Variants in P2RY6 observed in about 807,000 individuals in gnomAD.
The protein encoded by P2RY6 is P2Y purinoceptor 6.
Under a neutral mutation model 16.3 loss-of-function variants are expected in P2RY6, and 19 were observed. The observed-to-expected ratio is 1.16, with a 90% CI of 0.81 to 1.71. The LOEUF is 1.71. Ranked by LOEUF, P2RY6 falls within the 40% of genes most tolerant of loss-of-function variation. The probability of loss-of-function intolerance (pLI) is 0.00; values close to 1 mark genes in which losing one functional copy is unlikely to be tolerated. For missense variants in P2RY6, 389 were observed against 455.5 expected (o/e 0.85, Z 1.33); for synonymous variants, 184 against 201.5 (o/e 0.91, Z 0.74).
intron 1 of P2RY6, among the ~76,000 whole-genome samples, chr11:73,290,343 G>GAAAGAAAGAAAGAAAGAAAGAAAGAA (rs1565170694): frequency 6.7e-6 from 1 of 148,434 alleles, no homozygotes; most frequent in African/African-American, 2.5e-5. Flanking sequence ...AAGAAAGAAA[G>GAAAGAAAGAAAGAAAGAAAGAAAGAA]AAAGAAAGAA....
At chr11:73,272,742 G>A (rs999525096) in intron 1 of P2RY6, among the ~76,000 whole-genome samples, 1 of 152,242 alleles carries the variant, frequency 6.6e-6, no homozygotes, top group Admixed American at 6.5e-5. Context: ...TGGAGAAGTG[G>A]AATAGCTCAG....
chr11:73,295,708 A>C, intron 1 of P2RY6, 22 bp from the exon 2 acceptor site: 16 of 940,044 alleles, frequency 1.7e-5, no homozygotes, highest in South Asian at 4.9e-5. Context: ...ACTGGGTATC[A>C]CCTCCTTCCC....
intron 1 of P2RY6, among the ~76,000 whole-genome samples, chr11:73,267,327 G>A (rs528622785): frequency 6.6e-6 from 1 of 152,244 alleles, no homozygotes; most frequent in Non-Finnish European, 1.5e-5. Flanking sequence ...ATGCTCTCTG[G>A]GGTGGATGAC....
intron 1 of P2RY6, among the ~76,000 whole-genome samples, chr11:73,274,540 CAA>C (rs59442426): frequency 2.3e-3 from 159 of 68,422 alleles, no homozygotes; most frequent in African/African-American, 5.3e-3. Flanking sequence ...GAGACTGTCT[CAA>C]AAAAAAAAAA....
Position 73,297,542 on chromosome 11 carries a change from T to C in P2RY6, c.*37T>C. ...CCTGGGCAGCCTTCATATTTGCCAT[T>C]GTGTCCGGGGCACCAGGAGCCCCAC... On this transcript the variant is annotated 3_prime_UTR_variant, in exon 3 of 3. Transcript: ENST00000540124. 3 of 1,543,514 alleles carry C rather than the reference T, an allele frequency of 1.9e-6. No homozygotes were observed. The highest frequency in any genetic ancestry group is 2.3e-5 in the South Asian group (2 of 86,120).
At chr11:73,283,562 T>C (rs1387783317) in intron 1 of P2RY6, among the ~76,000 whole-genome samples, 1 of 152,190 alleles carries the variant, frequency 6.6e-6, no homozygotes, top group Non-Finnish European at 1.5e-5. Context: ...CCCCGAGGCC[T>C]GTGTTTTCAA....
chr11:73,290,303 A>AAAGAAAAG (rs1260016714), intron 1 of P2RY6, among the ~76,000 whole-genome samples: 103 of 113,102 alleles, frequency 9.1e-4, no homozygotes, highest in Middle Eastern at 4.2e-3. Flanking sequence ...AGAAAGAAAG[A>AAAGAAAAG]AAAGAAAGAA....
At chr11:73,265,007 G>C (rs1444298437) in intron 1 of P2RY6, among the ~76,000 whole-genome samples, 2 of 152,236 alleles carry the variant, frequency 1.3e-5, no homozygotes, top group East Asian at 3.8e-4. Context: ...ACTGTGCTGG[G>C]GTAACACAGG....
At chr11:73,268,231 G>C (rs912448578), upstream of P2RY6, among the ~76,000 whole-genome samples, 1 of 152,250 alleles carries the variant, frequency 6.6e-6, no homozygotes, top group Non-Finnish European at 1.5e-5. Flanking sequence ...TGGCCTCTCT[G>C]TGGTTTCCTA....
At chr11:73,287,211 A>G (rs1864004115) in intron 1 of P2RY6, among the ~76,000 whole-genome samples, 2 of 152,186 alleles carry the variant, frequency 1.3e-5, no homozygotes, top group Admixed American at 6.5e-5. Flanking sequence ...AATGCCTGGA[A>G]CTTAGTTCAC....
intron 1 of P2RY6, among the ~76,000 whole-genome samples, chr11:73,285,320 C>T (rs867676760): frequency 2.6e-5 from 4 of 152,196 alleles, no homozygotes; most frequent in Admixed American, 6.5e-5. Context: ...GTGATCCTCC[C>T]GCCTTGGCCT....
At chr11:73,271,661 GC>G (rs1390499389), upstream of P2RY6, 1 of 152,266 alleles carries the variant, frequency 6.6e-6, no homozygotes, top group African/African-American at 2.4e-5. Context: ...GCAGGCCCAG[GC>G]CTGGTTTCGG....
chr11:73,270,731 T>C (rs756662489), upstream of P2RY6, among the ~76,000 whole-genome samples: 6 of 152,104 alleles, frequency 3.9e-5, no homozygotes, highest in Non-Finnish European at 8.8e-5. Flanking sequence ...TTGCTGCCTG[T>C]GCCCAGGGAG....
chr11:73,285,911 G>T (rs1056378046), intron 1 of P2RY6, among the ~76,000 whole-genome samples: 6 of 152,210 alleles, frequency 3.9e-5, no homozygotes, highest in African/African-American at 1.2e-4. Context: ...CAAGCTATAT[G>T]GCCCCAGAGG....
intron 1 of P2RY6, among the ~76,000 whole-genome samples, chr11:73,266,983 G>A (rs1016761272): frequency 9.9e-5 from 15 of 152,264 alleles, no homozygotes; most frequent in African/African-American, 2.9e-4. Context: ...TGATGCTGTC[G>A]TCACTTCTGG....
At position 73,272,602 on chromosome 11, in the gene P2RY6, C is replaced by T. The variant is rs200361162; in HGVS notation, c.-121+136C>T. 3.0e-5 allele frequency: 19 copies of T among 639,794 alleles called. No homozygotes were observed. In the East Asian group the frequency reaches 2.5e-3, roughly 84 times the overall value. 39.6% of individuals were successfully genotyped at this position (639,794 alleles called of 1,614,324 possible). A position where few individuals can be genotyped will look rare whatever the true frequency, so the allele number is the denominator to read the frequency against. On this transcript the variant is annotated intron_variant, in intron 1 of 2. Coordinates refer to ENST00000540124, the MANE Select transcript of P2RY6 (RefSeq NM_001277204.2). ...GTGGCAGTAGGGCAGGCACTGGGGT[C>T]CTCCTCCTTCCTCCGCCTGGCTATG...
At position 73,297,115 on chromosome 11, in the gene P2RY6, C is replaced by T. The variant is rs776435707; in HGVS notation, c.597C>T (p.Ile199=). The T allele has an allele frequency of 1.1e-5, 18 of 1,604,188 alleles. No individual in the cohort carries two copies. The highest frequency in any genetic ancestry group is 2.2e-5 in the East Asian group (1 of 44,896). ...YMPYGMALTV[I]GFLLPFAALL... Reference sequence around the variant, plus strand: ...CCTATGGCATGGCTCTCACTGTCATCGGCTTCCTGCTGCCCTTTGCTGCCC... The same window carrying T: ...CCTATGGCATGGCTCTCACTGTCATTGGCTTCCTGCTGCCCTTTGCTGCCC... The change falls in exon 3 of 3, where the codon ATC becomes ATT. Residue 199 remains isoleucine (I), a synonymous_variant. Coordinates refer to ENST00000540124, the MANE Select transcript of P2RY6 (RefSeq NM_001277204.2).
chr11:73,292,967 G>C (rs544066598), intron 1 of P2RY6: 2 of 576,458 alleles, frequency 3.5e-6, no homozygotes, highest in Non-Finnish European at 4.4e-6. Flanking sequence ...CAGGGGTTGC[G>C]GGGGGTGGGG....
Position 73,297,022 on chromosome 11 carries a change from A to C in P2RY6, c.504A>C (p.Thr168=), listed in dbSNP as rs144613465. 6.2e-7 allele frequency: 1 copy of C among 1,600,876 alleles called. No homozygotes were observed. Among genetic ancestry groups the C allele is most frequent in the African/African-American group, 1.3e-5 (1 of 75,062 alleles). The change falls in exon 3 of 3, where the codon ACA becomes ACC. Residue 168 remains threonine (T), a synonymous_variant. Transcript: ENST00000540124. ...QCLPTAIFAA[T]GIQRNRTVCY... is the part of the protein sequence containing the mutation. ...TGCCCACAGCCATCTTCGCTGCCACAGGCATCCAGCGTAACCGCACTGTCT... is the reference window on the plus strand; with the variant it reads ...TGCCCACAGCCATCTTCGCTGCCACCGGCATCCAGCGTAACCGCACTGTCT...
Sources: allele counts gnomAD v4.1 joint callset (sites outside exome capture counted in the v4.1 genomes callset), GRCh38; gene constraint gnomAD v4.1.1; transcripts MANE v1.5; gene names NCBI Gene and HGNC (gene_info 2026-07-23, HGNC 2026-07-21).